Variants in IGF2R observed in about 807,000 individuals in gnomAD.
IGF2R encodes cation-independent mannose-6-phosphate receptor.
In IGF2R, 91 loss-of-function variants were observed where a neutral mutation model predicts 270.6. That is an observed-to-expected ratio of 0.34 (90% CI 0.28 to 0.40). The LOEUF is 0.40. Ranked by LOEUF, IGF2R falls within the 10% of genes least tolerant of loss-of-function variation. The probability of loss-of-function intolerance (pLI) is 1.00; values close to 1 mark genes in which losing one functional copy is unlikely to be tolerated. For missense variants in IGF2R, 2,805 were observed against 3,188.3 expected (o/e 0.88, Z 2.90); for synonymous variants, 1,316 against 1,258.9 (o/e 1.05, Z -0.96).
intron 34 of IGF2R, 68 bp downstream of exon 34, chr6:160,073,537 A>G: frequency 6.4e-7 from 1 of 1,561,876 alleles, no homozygotes; most frequent in Non-Finnish European, 8.7e-7. Context: ...CCCCTTCGTC[A>G]GGTTCACTTG....
At chr6:159,975,291 G>A (rs1783672318) in intron 1 of IGF2R, among the ~76,000 whole-genome samples, 1 of 152,214 alleles carries the variant, frequency 6.6e-6, no homozygotes, top group Non-Finnish European at 1.5e-5. Context: ...TATTACAAGG[G>A]ATACGGATGA....
chr6:160,056,606 C>T (rs544657280), intron 20 of IGF2R, 81 bp downstream of exon 20: 25 of 889,916 alleles, frequency 2.8e-5, no homozygotes, highest in Admixed American at 6.9e-5. Context: ...AGCTCTGAAC[C>T]GACCCCTGCC....
At chr6:160,069,142 G>A (rs2065397) in intron 30 of IGF2R, among the ~76,000 whole-genome samples, 68,188 of 151,676 alleles carry the variant, frequency 0.45, 16,093 homozygotes, top group East Asian at 0.67. Flanking sequence ...TCAAACCTGC[G>A]GTGGTTGGCT....
intron 1 of IGF2R, among the ~76,000 whole-genome samples, chr6:159,975,153 G>A (rs1268441086): frequency 2.0e-5 from 3 of 152,134 alleles, no homozygotes; most frequent in Admixed American, 1.3e-4. Flanking sequence ...TCACAAGTCC[G>A]GGCCTCTGGA....
At position 160,064,845 on chromosome 6, in the gene IGF2R, T is replaced by C. The variant is rs767922591; in HGVS notation, c.4059T>C (p.Phe1353=). Residue 1353 remains phenylalanine, a synonymous_variant, in exon 29 of 48, where the codon TTT becomes TTC. Transcript: ENST00000356956. ...LKETSDCSYL[F]EWRTQYACPP... ...AGACTTCAGATTGTTCCTACTTGTT[T>C]GAGTGGCGAACGCAGTATGCCTGCC... The C allele has an allele frequency of 3.1e-6, 5 of 1,613,992 alleles. No homozygotes were observed. The highest frequency in any genetic ancestry group is 2.7e-5 in the African/African-American group (2 of 75,066).
At chr6:160,031,109 T>C (rs2115231232) in intron 7 of IGF2R, among the ~76,000 whole-genome samples, 1 of 152,322 alleles carries the variant, frequency 6.6e-6, no homozygotes, top group Admixed American at 6.5e-5. Flanking sequence ...CCCACAGTGC[T>C]GGGATTACAG....
chr6:160,047,918 G>A lies in IGF2R; in HGVS notation c.2345+11G>A. 1 of 1,553,200 alleles carries A rather than the reference G, an allele frequency of 6.4e-7. No homozygotes were observed. Among genetic ancestry groups the A allele is most frequent in the African/African-American group, 1.4e-5 (1 of 73,870 alleles). On this transcript the variant is annotated intron_variant, in intron 17 of 47. Coordinates refer to ENST00000356956, the MANE Select transcript of IGF2R (RefSeq NM_000876.4). ...GTACGACCTCTCCAGGTGAGGCAGA[G>A]TCAGCTGCTCTGTTTTTGGCCTGGT...
At chr6:160,061,442 C>T in intron 23 of IGF2R, 61 bp from the exon 24 acceptor site, 4 of 1,512,618 alleles carry the variant, frequency 2.6e-6, no homozygotes, top group Non-Finnish European at 3.6e-6. Context: ...GGGTGAAAGG[C>T]AGTTCTTGAG....
At chr6:160,028,433 T>C (rs1341601370) in intron 6 of IGF2R, among the ~76,000 whole-genome samples, 1 of 152,268 alleles carries the variant, frequency 6.6e-6, no homozygotes, top group South Asian at 2.1e-4. Flanking sequence ...GGGGAAACAG[T>C]TCAGTCCATA....
At chr6:160,096,756 T>C (rs1779369937) in intron 45 of IGF2R, 131 bp downstream of exon 45, 1 of 761,322 alleles carries the variant, frequency 1.3e-6, no homozygotes, top group African/African-American at 1.8e-5. Context: ...GAGAAAATGA[T>C]AGAAGCGGAC....
chr6:160,022,413 AC>A (rs1440708510), intron 4 of IGF2R, among the ~76,000 whole-genome samples: 1 of 151,996 alleles, frequency 6.6e-6, no homozygotes, highest in East Asian at 1.9e-4. Flanking sequence ...ACAAAGAGGC[AC>A]CCCCTTAAAG....
rs551738386 is a variant in IGF2R at position 160,047,715 on chromosome 6, G to A, written c.2230-77G>A. ...GTTTCTCATTGGGAACATTGCTCTC[G>A]TCCTTTTTTGAATCCTGGTTTTATG... On this transcript the variant is annotated intron_variant, in intron 16 of 47. Transcript: ENST00000356956. 7.6e-4 allele frequency: 690 copies of A among 905,728 alleles called. 2 individuals are homozygous for A. The highest frequency in any genetic ancestry group is 8.5e-4 in the Admixed American group (50 of 58,788). 56.1% of individuals were successfully genotyped at this position (905,728 alleles called of 1,614,324 possible). A position where few individuals can be genotyped will look rare whatever the true frequency, so the allele number is the denominator to read the frequency against.
chr6:160,032,990 T>C lies in IGF2R; in HGVS notation c.1094T>C (p.Val365Ala). Residue 365 changes from valine to alanine, a missense_variant, in exon 9 of 48, where the codon GTC becomes GCC. Around this residue, in one of 2 missense-constraint regions of IGF2R, gnomAD observed 954 missense variants for 981.1 expected, o/e 0.97. Transcript: ENST00000356956. Reference protein sequence around the residue: ...DGKEYLFYLNVCGETEIQFCN... With the variant: ...DGKEYLFYLNACGETEIQFCN... ...AAAGAATATTTGTTTTATTTGAATG[T>C]CTGTGGAGAAACTGAAATACAGTTC... 2 of 1,603,946 alleles carry C rather than the reference T, an allele frequency of 1.2e-6. No homozygotes were observed. The highest frequency in any genetic ancestry group is 1.7e-6 in the Non-Finnish European group (2 of 1,170,798).
At position 159,979,731 on chromosome 6, in the gene IGF2R, G is replaced by A. The variant is rs1048517331; in HGVS notation, c.149+10336G>A. 1.2e-4 allele frequency among the ~76,000 whole-genome samples: 19 copies of A among 152,284 alleles called. No individual in the cohort carries two copies. In the East Asian group the frequency reaches 3.7e-3, roughly 29 times the overall value. ...GAAGCATGTCTGACTTGGTTGAGAG[G>A]CAGCTAAGGGCCCAGTGTGTCTGGG... On this transcript the variant is annotated intron_variant, in intron 1 of 47. Transcript: ENST00000356956.
intron 45 of IGF2R, among the ~76,000 whole-genome samples, chr6:160,099,077 C>T (rs1333347291): frequency 6.6e-6 from 1 of 152,202 alleles, no homozygotes; most frequent in Non-Finnish European, 1.5e-5. Context: ...AGACAGGCAT[C>T]TACAGATGGA....
chr6:160,060,654 A>T lies in IGF2R; in HGVS notation c.3199A>T (p.Thr1067Ser). 6 of 1,614,206 alleles carry T rather than the reference A, an allele frequency of 3.7e-6. No homozygotes were observed. Among genetic ancestry groups the T allele is most frequent in the Non-Finnish European group, 5.1e-6 (6 of 1,180,040 alleles). The stretch of plus-strand genomic sequence containing the variant: ...CGACTCTGGGCAAGGGATCCGAAAC[A>T]CTTACTTTGAGTTTGAAACCGCGTT... ...DIDSGQGIRN[T>S]YFEFETALAC... The change falls in exon 23 of 48, where the codon ACT becomes TCT. Residue 1067 changes from threonine to serine, a missense_variant. By Grantham distance (58) the Thr-to-Ser change is moderately conservative. Coordinates refer to ENST00000356956, the MANE Select transcript of IGF2R (RefSeq NM_000876.4).
At chr6:160,042,981 T>C (rs997445230) in intron 11 of IGF2R, among the ~76,000 whole-genome samples, 167 bp from the exon 12 acceptor site, 2 of 152,120 alleles carry the variant, frequency 1.3e-5, no homozygotes, top group Non-Finnish European at 2.9e-5. Flanking sequence ...TCTCGGTGAA[T>C]TTTTGTGCTT....
At chr6:160,012,488 G>C (rs982939372) in intron 4 of IGF2R, among the ~76,000 whole-genome samples, 1 of 151,980 alleles carries the variant, frequency 6.6e-6, no homozygotes, top group African/African-American at 2.4e-5. Flanking sequence ...ACAGAGTATC[G>C]AGCACCTCAC....
chr6:160,083,459 T>A (rs560923962), intron 39 of IGF2R, among the ~76,000 whole-genome samples: 1 of 152,306 alleles, frequency 6.6e-6, no homozygotes, highest in Non-Finnish European at 1.5e-5. Context: ...GAGGCTTTCC[T>A]CTTTTACTAA....
Sources: allele counts gnomAD v4.1 joint callset (sites outside exome capture counted in the v4.1 genomes callset), GRCh38; gene constraint gnomAD v4.1.1; regional missense constraint gnomAD v4.1.1; transcripts MANE v1.5; gene names NCBI Gene and HGNC (gene_info 2026-07-23, HGNC 2026-07-21).